Variants in MED1 observed in about 807,000 individuals in gnomAD.
The protein encoded by MED1 is mediator of RNA polymerase II transcription subunit 1.
Under a neutral mutation model 121.3 loss-of-function variants are expected in MED1, and 17 were observed. That is an observed-to-expected ratio of 0.14 (90% confidence interval 0.10 to 0.21). The LOEUF (loss-of-function observed/expected upper bound fraction) is 0.21. Among genes scored for constraint, MED1 ranks in the 10% least tolerant of loss-of-function variants. MED1 has a pLI of 1.00. For missense variants in MED1, 1,558 were observed against 1,919.4 expected (o/e 0.81, Z 3.52); for synonymous variants, 661 against 694.4 (o/e 0.95, Z 0.76).
rs771425321 is a variant in MED1, at chr17:39,407,999, C to T, written c.4222G>A (p.Val1408Met). 1 of 1,614,018 alleles carries T rather than the reference C, an allele frequency of 6.2e-7. No individual in the cohort carries two copies. The highest frequency in any genetic ancestry group is 8.5e-7 in the Non-Finnish European group (1 of 1,180,040). The change falls in exon 17 of 17, where the codon GTG (valine) becomes ATG (methionine). Residue 1408 changes from valine (V) to methionine (M), a missense_variant. Physicochemically the swap from Val to Met is conservative, Grantham distance 21. This residue lies in a region of MED1 where 264 missense variants were observed against 326.1 expected (regional missense o/e 0.81). Transcript: ENST00000300651. ...CTTTCCCCAGGTTTCTGCAAAGTCACTTTGGCTTTAATGCTAGGGGAGCCT... is the reference window on the plus strand; with the variant it reads ...CTTTCCCCAGGTTTCTGCAAAGTCATTTTGGCTTTAATGCTAGGGGAGCCT... ...DGGSPSIKAK[V>M]TLQKPGESSG...
intron 16 of MED1, among the ~76,000 whole-genome samples, chr17:39,413,860 C>T (rs1038589435): frequency 5.5e-5 from 8 of 144,350 alleles, no homozygotes; most frequent in Non-Finnish European, 4.5e-5. Context: ...TACCATAATT[C>T]CAGGCCTGAA....
At chr17:39,425,491 G>A (rs557717588) in intron 10 of MED1, among the ~76,000 whole-genome samples, 14 of 152,182 alleles carry the variant, frequency 9.2e-5, no homozygotes, top group Admixed American at 1.3e-4. Flanking sequence ...CACCAGGCAC[G>A]GCCTGTAGTT....
At chr17:39,418,466 G>C (rs562656731) in intron 14 of MED1, among the ~76,000 whole-genome samples, 1 of 151,806 alleles carries the variant, frequency 6.6e-6, no homozygotes, top group African/African-American at 2.4e-5. Context: ...CAAGGAGGTA[G>C]AGGCAGCAGA....
chr17:39,423,510 C>CT, intron 12 of MED1, 65 bp from the exon 13 acceptor site: 1 of 1,452,472 alleles, frequency 6.9e-7, no homozygotes, highest in Non-Finnish European at 9.7e-7. Context: ...TCAGTTTCCC[C>CT]TTGATATCTA....
chr17:39,425,976 T>C (rs1597863065), intron 10 of MED1, among the ~76,000 whole-genome samples: 1 of 152,036 alleles, frequency 6.6e-6, no homozygotes, highest in Non-Finnish European at 1.5e-5. Flanking sequence ...AGGATCATAA[T>C]AAAAGGACAG....
intron 10 of MED1, among the ~76,000 whole-genome samples, chr17:39,425,629 G>A (rs914479110): frequency 2.0e-5 from 3 of 151,846 alleles, no homozygotes; most frequent in Non-Finnish European, 4.4e-5. Flanking sequence ...CGGTGAAACC[G>A]CATCTCTACT....
intron 5 of MED1, 73 bp from the exon 6 acceptor site, chr17:39,439,266 C>G (rs2048649647): frequency 8.5e-7 from 1 of 1,174,050 alleles, no homozygotes; most frequent in Non-Finnish European, 1.2e-6. Context: ...AAGCCTTTCT[C>G]TTTTTCTATA....
At chr17:39,435,062 G>A (rs924985080) in intron 6 of MED1, among the ~76,000 whole-genome samples, 4 of 152,136 alleles carry the variant, frequency 2.6e-5, no homozygotes, top group African/African-American at 7.2e-5. Context: ...CAGCTACTCA[G>A]GAGGCTGAGG....
chr17:39,408,116 C>A lies in MED1; in HGVS notation c.4105G>T (p.Gly1369Trp). The A allele has an allele frequency of 4.3e-6, 7 of 1,614,140 alleles. No individual in the cohort carries two copies. The highest frequency in any genetic ancestry group is 5.1e-6 in the Non-Finnish European group (6 of 1,180,048). The change falls in exon 17 of 17, where the codon GGG becomes TGG. Residue 1369 changes from glycine to tryptophan, a missense_variant. Coordinates refer to ENST00000300651, the MANE Select transcript of MED1 (RefSeq NM_004774.4). This position sits in a 1 kb window ranked among gnomAD's most constrained non-coding sequence, Gnocchi z 4.7. ...TTCTTAGAAGAATCCACTGAACTCC[C>A]GGAGGTGGAAACCTTTGATTTGTCT... is the stretch of plus-strand genomic sequence containing the variant. Reference protein sequence around the residue: ...DKDKSKVSTSGSSVDSSKKTS... With the variant: ...DKDKSKVSTSWSSVDSSKKTS...
chr17:39,433,485 C>T (rs2048587404), intron 7 of MED1, among the ~76,000 whole-genome samples: 1 of 151,024 alleles, frequency 6.6e-6, no homozygotes, highest in Admixed American at 6.6e-5. Context: ...GCCACTGTGC[C>T]CAGCCTAAAA....
intron 3 of MED1, among the ~76,000 whole-genome samples, chr17:39,443,244 C>T (rs1285426928): frequency 6.6e-6 from 1 of 151,842 alleles, no homozygotes; most frequent in Non-Finnish European, 1.5e-5. Context: ...TTGTGATCCG[C>T]CCACCTCAGC....
intron 1 of MED1, 119 bp from the exon 2 acceptor site, chr17:39,448,023 A>G: frequency 4.5e-6 from 3 of 665,688 alleles, no homozygotes; most frequent in Non-Finnish European, 7.6e-6. Context: ...AATATTTTCC[A>G]AAATCATTTT....
rs1157270638 is a variant in MED1, at chr17:39,408,553, G to A, written c.3668C>T (p.Ser1223Phe). ...ACCACCAGAACCTGAACTGATAGGG[G>A]ACTTGGCTTTAGAGGATGGAGGAGT... ...PGTPPSSKAK[S>F]PISSGSGGSH... The change falls in exon 17 of 17, where the codon TCC becomes TTC. Residue 1223 changes from serine to phenylalanine, a missense_variant. Physicochemically the swap from Ser to Phe is radical, Grantham distance 155. This residue lies in a region of MED1 where 793 missense variants were observed against 898.2 expected (regional missense o/e 0.88). Transcript: ENST00000300651. The surrounding 1 kb of genome is among the most constrained non-coding windows in gnomAD (Gnocchi z 4.7). 2 of 1,614,208 alleles carry A rather than the reference G, an allele frequency of 1.2e-6. No individual in the cohort carries two copies. Among genetic ancestry groups the A allele is most frequent in the Non-Finnish European group, 1.7e-6 (2 of 1,180,036 alleles).
At chr17:39,435,786 C>G (rs1262203802) in intron 6 of MED1, among the ~76,000 whole-genome samples, 1 of 152,094 alleles carries the variant, frequency 6.6e-6, no homozygotes, top group Non-Finnish European at 1.5e-5. Context: ...ACTACAACTT[C>G]CACCTCCTGA....
In MED1 at chr17:39,406,606, T is replaced by C. The variant is rs990199626; in HGVS notation, c.*869A>G. 3 of 973,754 alleles carry C rather than the reference T, an allele frequency of 3.1e-6. No individual in the cohort carries two copies. Among genetic ancestry groups the C allele is most frequent in the Non-Finnish European group, 3.7e-6 (3 of 820,746 alleles). The allele number at this position is 973,754 out of a possible 1,614,324, so 60.3% of individuals were successfully genotyped here. A position where few individuals can be genotyped will look rare whatever the true frequency, so the allele number is the denominator to read the frequency against. ...GAAAATGAGATTACAAGTCAATACC[T>C]CCACAGAGAGGTAACTCCTAATATT... On this transcript the variant is annotated 3_prime_UTR_variant, in exon 17 of 17. Transcript: ENST00000300651.
At chr17:39,415,771 C>T (rs1597855689) in intron 14 of MED1, among the ~76,000 whole-genome samples, 2 of 136,730 alleles carry the variant, frequency 1.5e-5, no homozygotes, top group Non-Finnish European at 3.0e-5. Flanking sequence ...GAGCTGAGAT[C>T]GTGCCACTGC....
At chr17:39,436,369 GAAAAAAA>G (rs10712248) in intron 6 of MED1, among the ~76,000 whole-genome samples, 1 of 114,904 alleles carries the variant, frequency 8.7e-6, no homozygotes, top group Non-Finnish European at 1.7e-5. Context: ...TCAAAAAAAA[GAAAAAAA>G]AAAAAAAAAA....
chr17:39,428,013 T>C (rs1262123553), intron 9 of MED1, among the ~76,000 whole-genome samples: 1 of 152,084 alleles, frequency 6.6e-6, no homozygotes, highest in African/African-American at 2.4e-5. Context: ...GTCCAGGAGT[T>C]TGAGACTAGC....
At chr17:39,419,205 A>T (rs1432532497) in intron 14 of MED1, among the ~76,000 whole-genome samples, 1 of 151,662 alleles carries the variant, frequency 6.6e-6, no homozygotes, top group Non-Finnish European at 1.5e-5. Context: ...CTGCCTCAGG[A>T]TCCCGAGTAG....
Sources: gnomAD v4.1 joint callset for allele counts (sites outside exome capture counted in the v4.1 genomes callset) on GRCh38, gnomAD v4.1.1 for gene constraint, gnomAD v4.1.1 regional missense constraint, Gnocchi (gnomAD v3.1) non-coding constraint, MANE v1.5 for transcripts, NCBI Gene and HGNC (gene_info 2026-07-23, HGNC 2026-07-21) for gene names.